Variants in ITPA observed in about 807,000 individuals in gnomAD.
ITPA encodes the protein inosine triphosphate pyrophosphatase.
ITPA carries 29 observed loss-of-function variants against 29.6 expected under a neutral mutation model. The ratio of observed to expected loss-of-function variants is 0.98; its 90% CI spans 0.73 to 1.34. The LOEUF (loss-of-function observed/expected upper bound fraction) is 1.34, where lower values mean the gene tolerates loss of function less well. Ranked by LOEUF, ITPA falls within the 40% of genes most tolerant of loss-of-function variation. ITPA has a pLI of 0.00. For synonymous variants in ITPA, 103 were observed against 99.3 expected (o/e 1.04, Z -0.22); for missense variants, 241 against 251.5 (o/e 0.96, Z 0.28).
chr20:3,218,022 A>G (rs1273278530), intron 5 of ITPA, among the ~76,000 whole-genome samples: 1 of 151,166 alleles, frequency 6.6e-6, no homozygotes, highest in Admixed American at 6.6e-5. Context: ...TGTTCACACC[A>G]TTCTCCTGCC....
upstream of ITPA, chr20:3,204,626 A>T: frequency 6.3e-7 from 1 of 1,582,862 alleles, no homozygotes; most frequent in Non-Finnish European, 8.6e-7. Context: ...AGGCGCCACC[A>T]TGACGAGGGC....
intron 1 of ITPA, among the ~76,000 whole-genome samples, chr20:3,211,191 A>G (rs1377587764): frequency 3.4e-5 from 5 of 146,924 alleles, no homozygotes; most frequent in African/African-American, 1.3e-4. Flanking sequence ...TTTGAGACAG[A>G]GTCTCACTCT....
Position 3,218,512 on chromosome 20 carries a change from C to T in ITPA, c.296-5C>T, listed in dbSNP as rs1289102028. ...ATGCACTGAGCCCTCACTGCCCACCCGCAGGTCTCCACCAGCTCCTGGCCG... is the reference window on the plus strand; with the variant it reads ...ATGCACTGAGCCCTCACTGCCCACCTGCAGGTCTCCACCAGCTCCTGGCCG... On this transcript the variant is annotated splice_polypyrimidine_tract_variant and splice_region_variant and intron_variant, in intron 5 of 7. Coordinates refer to ENST00000380113, the MANE Select transcript of ITPA (RefSeq NM_033453.4). The T allele has an allele frequency of 5.0e-6, 8 of 1,609,208 alleles. No individual in the cohort carries two copies. In the South Asian group the frequency reaches 6.6e-5, roughly 13 times the overall value.
chr20:3,219,015 T>C (rs6037505), intron 6 of ITPA: 5,499 of 232,448 alleles, frequency 0.024, 339 homozygotes, highest in African/African-American at 0.12. Context: ...CCAAAGCTAT[T>C]TTTTTCTGTT....
At chr20:3,222,066 G>T in intron 7 of ITPA, 149 bp downstream of exon 7, 1 of 783,900 alleles carries the variant, frequency 1.3e-6, no homozygotes, top group Non-Finnish European at 2.2e-6. Flanking sequence ...CTCTGCTGGG[G>T]TGGACACTAG....
chr20:3,204,352 G>C (rs1168508200), upstream of ITPA, among the ~76,000 whole-genome samples: 1 of 152,140 alleles, frequency 6.6e-6, no homozygotes, highest in African/African-American at 2.4e-5. Flanking sequence ...AGGGGTAGCG[G>C]CGCGGCCACC....
chr20:3,215,906 G>A (rs1418146602), intron 5 of ITPA, among the ~76,000 whole-genome samples: 2 of 151,916 alleles, frequency 1.3e-5, no homozygotes, highest in Admixed American at 6.6e-5. Flanking sequence ...GGCCAGTCTC[G>A]AACACCTGAC....
chr20:3,213,758 T>C (rs969078208), intron 3 of ITPA, among the ~76,000 whole-genome samples: 2 of 152,166 alleles, frequency 1.3e-5, no homozygotes, highest in Non-Finnish European at 2.9e-5. Flanking sequence ...GCTCTCCCAT[T>C]GCTGTGCCTG....
chr20:3,214,131 C>T, intron 4 of ITPA, 73 bp downstream of exon 4: 1 of 1,266,696 alleles, frequency 7.9e-7, no homozygotes, highest in South Asian at 1.2e-5. Context: ...GATGAGGTAC[C>T]TGATACTGCA....
At chr20:3,226,562 G>A (rs964847240), downstream of ITPA, among the ~76,000 whole-genome samples, 7 of 152,302 alleles carry the variant, frequency 4.6e-5, no homozygotes, top group Non-Finnish European at 7.4e-5. This position sits in a 1 kb window ranked among gnomAD's most constrained non-coding sequence, Gnocchi z 4.4. Flanking sequence ...AGCACCTCTC[G>A]CTACTCCTGT....
At chr20:3,211,542 G>C (rs1356001140) in intron 1 of ITPA, among the ~76,000 whole-genome samples, 3 of 151,582 alleles carry the variant, frequency 2.0e-5, no homozygotes, top group African/African-American at 7.3e-5. Flanking sequence ...GCCCAGGCTG[G>C]AGTGCAGTGG....
chr20:3,204,484 C>T, upstream of ITPA: 1 of 1,522,114 alleles, frequency 6.6e-7, no homozygotes, highest in East Asian at 2.4e-5. Context: ...CACAAAGGCT[C>T]AGAAGGCCAG....
upstream of ITPA, among the ~76,000 whole-genome samples, chr20:3,207,049 G>A (rs2122258354): frequency 6.6e-6 from 1 of 152,080 alleles, no homozygotes; most frequent in South Asian, 2.1e-4. Flanking sequence ...GAAAAAGAAA[G>A]TTATCTATGG....
intron 4 of ITPA, 57 bp from the exon 5 acceptor site, chr20:3,215,223 AG>A: frequency 6.4e-7 from 1 of 1,551,650 alleles, no homozygotes; most frequent in Non-Finnish European, 8.9e-7. Context: ...AGCCTGGAAA[AG>A]GTGGTAAGAA....
chr20:3,224,944 C>T (rs2067540130), downstream of ITPA, among the ~76,000 whole-genome samples: 2 of 152,214 alleles, frequency 1.3e-5, no homozygotes, highest in Non-Finnish European at 2.9e-5. Flanking sequence ...GTGGCTCACA[C>T]CTGTAATCCC....
At chr20:3,224,149 C>T (rs2067533450), downstream of ITPA, among the ~76,000 whole-genome samples, 1 of 152,184 alleles carries the variant, frequency 6.6e-6, no homozygotes, top group Non-Finnish European at 1.5e-5. Flanking sequence ...AGTGCTTTTG[C>T]CTTATGCTGT....
At chr20:3,218,670 G>C in intron 6 of ITPA, 38 bp downstream of exon 6, 1 of 1,509,838 alleles carries the variant, frequency 6.6e-7, no homozygotes, top group South Asian at 1.1e-5. Context: ...GCCGCGCGCC[G>C]CCAGGGGGTG....
chr20:3,212,916 A>G (rs1376230694), intron 1 of ITPA, among the ~76,000 whole-genome samples: 1 of 151,994 alleles, frequency 6.6e-6, no homozygotes. Flanking sequence ...CATTGAGAAG[A>G]GAAGAGTGTG....
intron 6 of ITPA, among the ~76,000 whole-genome samples, chr20:3,219,359 A>C (rs1222505464): frequency 6.6e-6 from 1 of 151,842 alleles, no homozygotes; most frequent in Non-Finnish European, 1.5e-5. Context: ...CTGTAATCCT[A>C]GCACTTTGCG....
Sources: gnomAD v4.1 joint callset for allele counts (sites outside exome capture counted in the v4.1 genomes callset) on GRCh38, gnomAD v4.1.1 for gene constraint, Gnocchi (gnomAD v3.1) non-coding constraint, MANE v1.5 for transcripts, NCBI Gene and HGNC (gene_info 2026-07-23, HGNC 2026-07-21) for gene names.